VPS29: variants seen among roughly 807,000 people sequenced by gnomAD.
VPS29 encodes the protein VPS29 retromer complex component.
A neutral mutation model predicts 20.0 loss-of-function variants in VPS29; 2 were observed. The ratio of observed to expected loss-of-function variants is 0.10; its 90% CI spans 0.04 to 0.31. The LOEUF is 0.31. VPS29 is among the 10% of genes least tolerant of loss of function. VPS29 has a pLI of 1.00. For missense variants in VPS29, 120 were observed against 215.3 expected, an observed-to-expected ratio of 0.56 and a Z score of 2.77; for synonymous variants, 81 against 79.3, an observed-to-expected ratio of 1.02 and a Z score of -0.12.
At chr12:110,501,984 G>A in intron 1 of VPS29, 65 bp downstream of exon 1, 1 of 1,612,702 alleles carries the variant, frequency 6.2e-7, no homozygotes, top group Non-Finnish European at 8.5e-7. Context: ...GCCTCCCCAC[G>A]GCTCCCAACA....
At chr12:110,500,292 G>A (rs955677025) in intron 1 of VPS29, among the ~76,000 whole-genome samples, 2 of 152,050 alleles carry the variant, frequency 1.3e-5, no homozygotes, top group African/African-American at 4.8e-5. Context: ...GAAAGAACTG[G>A]CTAATGCTAA....
In VPS29 at chr12:110,492,022, C is replaced by A. The variant is rs759065112; in HGVS notation, c.532G>T (p.Glu178Ter). Reference protein sequence around the residue: ...IGDDVKVERIEYKKP With the variant: ...IGDDVKVERI ...GCCTGGCTTTAAGGTTTTTTGTATTCGATTCGTTCTACTTTCACATCATCT... is the reference window on the plus strand; with the variant it reads ...GCCTGGCTTTAAGGTTTTTTGTATTAGATTCGTTCTACTTTCACATCATCT... Residue 178 changes from glutamate (E) to a stop codon, truncating the protein, a stop_gained, in exon 4 of 4, where the codon GAA becomes TAA. Coordinates refer to ENST00000549578, the MANE Select transcript of VPS29 (RefSeq NM_016226.5). LOFTEE classifies it high-confidence loss of function. 1 of 1,613,292 alleles carries A rather than the reference C, an allele frequency of 6.2e-7. No individual in the cohort carries two copies. Among genetic ancestry groups the A allele is most frequent in the Non-Finnish European group, 8.5e-7 (1 of 1,179,786 alleles).
chr12:110,502,054 T>C lies in VPS29; in HGVS notation c.-3A>G. On this transcript the variant is annotated 5_prime_UTR_variant, in exon 1 of 4. Coordinates refer to ENST00000549578, the MANE Select transcript of VPS29 (RefSeq NM_016226.5). ...GCCGCAACTGCAGCCCTCACCATCC[T>C]GTCACCGGGCTCCGCTCAGTCACCA... 6.2e-7 allele frequency: 1 copy of C among 1,612,342 alleles called. No homozygotes were observed. The highest frequency in any genetic ancestry group is 8.5e-7 in the Non-Finnish European group (1 of 1,179,868).
At chr12:110,494,782 C>G (rs1007637059) in intron 2 of VPS29, among the ~76,000 whole-genome samples, 1 of 152,026 alleles carries the variant, frequency 6.6e-6, no homozygotes, top group African/African-American at 2.4e-5. Context: ...TGCAGTGGCA[C>G]AATCTCAGCT....
chr12:110,501,591 C>T lies in VPS29; in HGVS notation c.3+458G>A, dbSNP rs1449238738. The T allele has an allele frequency of 2.0e-6, 3 of 1,535,038 alleles. No homozygotes were observed. The African/African-American group carries it at 4.1e-5, about 21-fold the overall frequency. On this transcript the variant is annotated intron_variant, in intron 1 of 3. Transcript: ENST00000549578. Reference sequence around the variant, plus strand: ...GGCAAAGTTAAACGGGTACGAAATTCTGCTCGCTACTTCCTGTTCTGCATT... The same window carrying T: ...GGCAAAGTTAAACGGGTACGAAATTTTGCTCGCTACTTCCTGTTCTGCATT...
intron 1 of VPS29, chr12:110,499,530 C>T (rs1044485715): frequency 1.9e-6 from 3 of 1,612,320 alleles, no homozygotes; most frequent in South Asian, 2.2e-5. Context: ...AGTGAAGAAA[C>T]TTACTCTGTG....
chr12:110,501,224 T>C (rs1473331776), intron 1 of VPS29, among the ~76,000 whole-genome samples: 1 of 151,922 alleles, frequency 6.6e-6, no homozygotes, highest in Non-Finnish European at 1.5e-5. Context: ...TCCTCTCTAG[T>C]AGAGGCCCCC....
chr12:110,497,518 A>AT (rs974372421), intron 1 of VPS29, among the ~76,000 whole-genome samples: 7 of 151,776 alleles, frequency 4.6e-5, no homozygotes, highest in Non-Finnish European at 8.8e-5. Context: ...CGCCTGGCCT[A>AT]ATTTAAAAAT....
Position 110,492,899 on chromosome 12 carries a change from C to A in VPS29, c.431+97G>T. 5.4e-6 allele frequency: 6 copies of A among 1,117,806 alleles called. No homozygotes were observed. In the South Asian group the frequency reaches 9.3e-5, roughly 17 times the overall value. 69.2% of individuals were successfully genotyped at this position (1,117,806 alleles called of 1,614,324 possible). A position where few individuals can be genotyped will look rare whatever the true frequency, so the allele number is the denominator to read the frequency against. On this transcript the variant is annotated intron_variant, in intron 3 of 3. Transcript: ENST00000549578. ...TCTCCCGAAGTGCTGGTATTACAGG[C>A]ATGAGCCACTGTGCCCAGCCACATT...
intron 2 of VPS29, among the ~76,000 whole-genome samples, 165 bp from the exon 3 acceptor site, chr12:110,493,396 G>A (rs947033267): frequency 2.7e-5 from 4 of 146,626 alleles, no homozygotes; most frequent in Admixed American, 6.8e-5. Flanking sequence ...GTGTTGCTAT[G>A]TTGCCCAGGC....
In VPS29 at chr12:110,496,074, T is replaced by TCTC. The variant is rs779794878; in HGVS notation, c.130_132dup (p.Glu44dup). ...GCCAGAGTCTTGAGATAGTCATAAC[T>TCTC]CTCTTTGGTGCAAAGGTTTCCTGTG... On this transcript the variant is annotated inframe_insertion, in exon 2 of 4. Transcript: ENST00000549578. The TCTC allele has an allele frequency of 6.2e-7, 1 of 1,613,268 alleles. No individual in the cohort carries two copies. Among genetic ancestry groups the TCTC allele is most frequent in the Non-Finnish European group, 8.5e-7 (1 of 1,179,340 alleles).
chr12:110,499,456 C>A (rs2062959412), intron 1 of VPS29: 3 of 1,596,396 alleles, frequency 1.9e-6, no homozygotes, highest in South Asian at 2.3e-5. Flanking sequence ...TTTCAACAGA[C>A]CTTAAAAGGG....
rs755248315 is a variant in VPS29, at chr12:110,501,535, G to C, written c.3+514C>G. ...GGCAGCTAGATGTTATTTCAGGAGCGAGGAGGGTGGTTTATTCCCTTTCCC... is the reference window on the plus strand; with the variant it reads ...GGCAGCTAGATGTTATTTCAGGAGCCAGGAGGGTGGTTTATTCCCTTTCCC... On this transcript the variant is annotated intron_variant, in intron 1 of 3. Coordinates refer to ENST00000549578, the MANE Select transcript of VPS29 (RefSeq NM_016226.5). 1,860 of 1,535,378 alleles carry C rather than the reference G, an allele frequency of 1.2e-3. 4 individuals are homozygous for C. The highest frequency in any genetic ancestry group is 1.5e-3 in the Non-Finnish European group (1,712 of 1,146,694).
chr12:110,498,342 G>C (rs1275242889), intron 1 of VPS29, among the ~76,000 whole-genome samples: 1 of 152,100 alleles, frequency 6.6e-6, no homozygotes, highest in African/African-American at 2.4e-5. Context: ...TTCCTTTACA[G>C]ATATTGCATG....
intron 1 of VPS29, chr12:110,501,689 C>T: frequency 7.0e-7 from 1 of 1,437,064 alleles, no homozygotes; most frequent in Non-Finnish European, 9.5e-7. Flanking sequence ...TAGGAACCGT[C>T]TGGAAACGGA....
chr12:110,502,065 T>G lies in VPS29; in HGVS notation c.-14A>C. 1 of 1,611,384 alleles carries G rather than the reference T, an allele frequency of 6.2e-7. No individual in the cohort carries two copies. The highest frequency in any genetic ancestry group is 8.5e-7 in the Non-Finnish European group (1 of 1,179,760). ...AGCCCTCACCATCCTGTCACCGGGC[T>G]CCGCTCAGTCACCACCACCGTCGCC... On this transcript the variant is annotated 5_prime_UTR_variant, in exon 1 of 4. Coordinates refer to ENST00000549578, the MANE Select transcript of VPS29 (RefSeq NM_016226.5).
intron 2 of VPS29, among the ~76,000 whole-genome samples, chr12:110,494,242 T>G (rs191489092): frequency 1.3e-4 from 19 of 151,334 alleles, no homozygotes; most frequent in African/African-American, 4.6e-4. Flanking sequence ...AGAAATACTA[T>G]ATGTATAAAT....
intron 2 of VPS29, among the ~76,000 whole-genome samples, chr12:110,493,557 T>C (rs924119740): frequency 5.3e-5 from 8 of 152,088 alleles, no homozygotes; most frequent in African/African-American, 1.9e-4. Flanking sequence ...AGACGGAGTC[T>C]CACCATGTTG....
chr12:110,494,457 T>C (rs2135573882), intron 2 of VPS29, among the ~76,000 whole-genome samples: 1 of 151,872 alleles, frequency 6.6e-6, no homozygotes, highest in East Asian at 2.0e-4. Flanking sequence ...GGGTTCACCG[T>C]GTTAGCCAGG....
Sources: allele counts gnomAD v4.1 joint callset (sites outside exome capture counted in the v4.1 genomes callset), GRCh38; gene constraint gnomAD v4.1.1; transcripts MANE v1.5; gene names NCBI Gene and HGNC (gene_info 2026-07-23, HGNC 2026-07-21).